Variants in ETAA1 observed in about 807,000 individuals in gnomAD.
ETAA1 encodes the protein ETAA1 activator of ATR kinase.
ETAA1 carries 49 observed loss-of-function variants against 76.8 expected under a neutral mutation model. The ratio of observed to expected loss-of-function variants is 0.64; its 90% CI spans 0.51 to 0.81. ETAA1 has a LOEUF of 0.81. Among genes scored for constraint, ETAA1 ranks in the 30% least tolerant of loss-of-function variants. The pLI, the probability that ETAA1 is intolerant of heterozygous loss-of-function variation, is 0.00. For synonymous variants in ETAA1, 373 were observed against 372.2 expected (o/e 1.00, Z -0.03); for missense variants, 1,099 against 1,074.0 (o/e 1.02, Z -0.32).
At chr2:67,400,221 T>G (rs896507468) in intron 3 of ETAA1, 3 of 152,314 alleles carry the variant, frequency 2.0e-5, no homozygotes, top group African/African-American at 7.2e-5. Context: ...CATTGGATCA[T>G]TATGAGAATT....
rs1187851213 is a variant in ETAA1 at position 67,402,930 on chromosome 2, C to G, written c.498C>G (p.Pro166=). The change falls in exon 4 of 6, where the codon CCC becomes CCG. Residue 166 remains proline (P), a synonymous_variant. Transcript: ENST00000272342. ...WIGETAIPCT[P]SVAKGKSRAK... is the part of the protein sequence containing the mutation. ...GTGAAACTGCTATTCCTTGTACTCC[C>G]AGTGTAGCAAAAGGAAAATCAAGAG... The G allele has an allele frequency of 1.2e-6, 2 of 1,606,672 alleles. No homozygotes were observed. The highest frequency in any genetic ancestry group is 2.7e-5 in the African/African-American group (2 of 74,420).
intron 4 of ETAA1, 40 bp downstream of exon 4, chr2:67,403,014 G>A: frequency 6.6e-7 from 1 of 1,522,578 alleles, no homozygotes; most frequent in Non-Finnish European, 8.9e-7. Context: ...ATTCAGTGAA[G>A]CAAATATTTT....
chr2:67,397,528 G>T lies in ETAA1; in HGVS notation c.80G>T (p.Gly27Val). 6.3e-7 allele frequency: 1 copy of T among 1,590,502 alleles called. No individual in the cohort carries two copies. Among genetic ancestry groups the T allele is most frequent in the Non-Finnish European group, 8.6e-7 (1 of 1,168,652 alleles). The change falls in exon 1 of 6, where the codon GGC (glycine) becomes GTC (valine). Residue 27 changes from glycine (G) to valine (V), a missense_variant. Physicochemically the swap from Gly to Val is moderately radical, Grantham distance 109 (BLOSUM62 -3). Coordinates refer to ENST00000272342, the MANE Select transcript of ETAA1 (RefSeq NM_019002.4). ...AAAACAGTGGCGGCGGAGGAATGCGGCTCGGTGGTCGAGCCAGGGAGGAGG... is the reference window on the plus strand; with the variant it reads ...AAAACAGTGGCGGCGGAGGAATGCGTCTCGGTGGTCGAGCCAGGGAGGAGG... ...PHKTVAAEEC[G>V]SVVEPGRRRL...
At position 67,405,197 on chromosome 2, in the gene ETAA1, T is replaced by C. The variant is rs747917233; in HGVS notation, c.2515T>C (p.Cys839Arg). The C allele has an allele frequency of 1.2e-6, 2 of 1,612,622 alleles. No individual in the cohort carries two copies. The highest frequency in any genetic ancestry group is 1.1e-5 in the South Asian group (1 of 91,012). The change falls in exon 5 of 6, where the codon TGT becomes CGT. Residue 839 changes from cysteine (C) to arginine (R), a missense_variant. Coordinates refer to ENST00000272342, the MANE Select transcript of ETAA1 (RefSeq NM_019002.4). ...SQILSQFNQN[C>R]ITGSMSDTKI... is the part of the protein sequence containing the mutation. ...GATTCTTTCTCAGTTTAATCAAAAT[T>C]GTATAACTGGAAGTATGTCTGATAC... is the stretch of plus-strand genomic sequence containing the variant.
chr2:67,398,389 G>A (rs970273194), intron 1 of ETAA1, among the ~76,000 whole-genome samples: 7 of 147,034 alleles, frequency 4.8e-5, no homozygotes, highest in African/African-American at 1.8e-4. Context: ...AGGCTGCAGT[G>A]CAGTAGCACA....
At chr2:67,405,867 T>C (rs1178419702) in intron 5 of ETAA1, among the ~76,000 whole-genome samples, 1 of 152,098 alleles carries the variant, frequency 6.6e-6, no homozygotes, top group African/African-American at 2.4e-5. Context: ...TCATTTCTGA[T>C]TCTTCCAATT....
chr2:67,406,214 A>T (rs1482636493), intron 5 of ETAA1, among the ~76,000 whole-genome samples: 4 of 152,156 alleles, frequency 2.6e-5, no homozygotes, highest in Non-Finnish European at 5.9e-5. Context: ...AGCTTCAGCT[A>T]TACCAGCTAT....
chr2:67,409,690 A>G (rs1676313402), intron 5 of ETAA1, among the ~76,000 whole-genome samples: 1 of 151,976 alleles, frequency 6.6e-6, no homozygotes, highest in Non-Finnish European at 1.5e-5. Flanking sequence ...TGTGAAAAGA[A>G]TGTATCAAAT....
At chr2:67,399,390 C>A in intron 2 of ETAA1, 93 bp downstream of exon 2, 1 of 1,254,044 alleles carries the variant, frequency 8.0e-7, no homozygotes. Flanking sequence ...CATCGGGAAC[C>A]TCTGAGAATG....
rs1351927002 is a variant in ETAA1 at position 67,397,595 on chromosome 2, A to G, written c.147A>G (p.Arg49=). 1 of 1,553,204 alleles carries G rather than the reference A, an allele frequency of 6.4e-7. No homozygotes were observed. Among genetic ancestry groups the G allele is most frequent in the Non-Finnish European group, 8.7e-7 (1 of 1,149,090 alleles). ...GCGGTTCGTGGCCCTGCGGGGCTAGAGAGGGGCCTCCCGGGCCAGTGCGGC... is the reference window on the plus strand; with the variant it reads ...GCGGTTCGTGGCCCTGCGGGGCTAGGGAGGGGCCTCCCGGGCCAGTGCGGC... ...SARGSWPCGA[R]EGPPGPVRQR... Residue 49 remains arginine (R), a synonymous_variant, in exon 1 of 6, where the codon AGA becomes AGG. Transcript: ENST00000272342.
chr2:67,405,565 C>T (rs1676194119), intron 5 of ETAA1, among the ~76,000 whole-genome samples: 1 of 151,926 alleles, frequency 6.6e-6, no homozygotes, highest in African/African-American at 2.4e-5. Flanking sequence ...TTTCCCAGCA[C>T]TTAATACAAT....
At chr2:67,406,678 A>T (rs998566386) in intron 5 of ETAA1, among the ~76,000 whole-genome samples, 6 of 152,106 alleles carry the variant, frequency 3.9e-5, no homozygotes, top group African/African-American at 1.4e-4. Flanking sequence ...AGTTGGTATG[A>T]TGTAGCATTT....
intron 1 of ETAA1, among the ~76,000 whole-genome samples, chr2:67,398,306 CTTTTT>C (rs57636211): frequency 1.2e-5 from 1 of 85,406 alleles, no homozygotes; most frequent in African/African-American, 4.1e-5. Context: ...TGAAATAGTG[CTTTTT>C]TTTTTTTTTT....
chr2:67,410,691 A>G lies in ETAA1; in HGVS notation c.*653A>G, dbSNP rs1412655184. On this transcript the variant is annotated 3_prime_UTR_variant, in exon 6 of 6. Coordinates refer to ENST00000272342, the MANE Select transcript of ETAA1 (RefSeq NM_019002.4). ...AAGTAGTGGATTGTCTACAAAAGTAATGTGGCATCATTAACATTTAGAACT... is the reference window on the plus strand; with the variant it reads ...AAGTAGTGGATTGTCTACAAAAGTAGTGTGGCATCATTAACATTTAGAACT... The G allele has an allele frequency of 1.3e-5, 2 of 152,084 alleles. No homozygotes were observed. Among genetic ancestry groups the G allele is most frequent in the Non-Finnish European group, 2.9e-5 (2 of 67,978 alleles). The allele number at this position is 152,084 out of a possible 1,614,324, so 9.4% of individuals were successfully genotyped here. A position where few individuals can be genotyped will look rare whatever the true frequency, so the allele number is the denominator to read the frequency against.
At position 67,411,069 on chromosome 2, in the gene ETAA1, A is replaced by G. The variant is rs544506820; in HGVS notation, c.*1031A>G. 2 of 151,922 alleles carry G rather than the reference A, an allele frequency of 1.3e-5. No individual in the cohort carries two copies. The highest frequency in any genetic ancestry group is 2.4e-5 in the African/African-American group (1 of 41,374). 9.4% of individuals were successfully genotyped at this position (151,922 alleles called of 1,614,324 possible). A position where few individuals can be genotyped will look rare whatever the true frequency, so the allele number is the denominator to read the frequency against. Reference sequence around the variant, plus strand: ...GTAACTGTAATTTTCCCCTCAATTAATTTACTTAGTTGACTCATCTTTTCT... The same window carrying G: ...GTAACTGTAATTTTCCCCTCAATTAGTTTACTTAGTTGACTCATCTTTTCT... On this transcript the variant is annotated 3_prime_UTR_variant, in exon 6 of 6. Coordinates refer to ENST00000272342, the MANE Select transcript of ETAA1 (RefSeq NM_019002.4).
At chr2:67,402,760 A>T in intron 3 of ETAA1, 102 bp from the exon 4 acceptor site, 1 of 690,844 alleles carries the variant, frequency 1.4e-6, no homozygotes, top group South Asian at 3.6e-5. Flanking sequence ...ATTAATTCAA[A>T]ATCATTAGTT....
intron 3 of ETAA1, chr2:67,401,041 G>T (rs949489802): frequency 2.6e-5 from 4 of 152,074 alleles, no homozygotes; most frequent in South Asian, 2.1e-4. Context: ...AAATGTGTTT[G>T]GGTGGGCCAG....
Position 67,407,953 on chromosome 2 carries a change from T to G in ETAA1, c.2654-1958T>G, listed in dbSNP as rs546914360. 3.3e-5 allele frequency among the ~76,000 whole-genome samples: 5 copies of G among 152,254 alleles called. No individual in the cohort carries two copies. In the South Asian group the frequency reaches 1.0e-3, roughly 32 times the overall value. ...ATGTTGTTCAAGGGTCAACTATAGT[T>G]ATAATTCTATAAAAGACTAAACCTC... On this transcript the variant is annotated intron_variant, in intron 5 of 5. Coordinates refer to ENST00000272342, the MANE Select transcript of ETAA1 (RefSeq NM_019002.4).
rs769804057 is a variant in ETAA1, at chr2:67,399,652, G to C, written c.429+26G>C. On this transcript the variant is annotated intron_variant, in intron 3 of 5. Transcript: ENST00000272342. ...GTAAATATCACTAGTTTTACAGTTT[G>C]TTTTAAAACAGTGAAGAATGTGCCA... 21 of 1,484,282 alleles carry C rather than the reference G, an allele frequency of 1.4e-5. No individual in the cohort carries two copies. In the South Asian group the frequency reaches 2.3e-4, roughly 16 times the overall value. 91.9% of individuals were successfully genotyped at this position (1,484,282 alleles called of 1,614,324 possible). A position where few individuals can be genotyped will look rare whatever the true frequency, so the allele number is the denominator to read the frequency against.
Sources: allele counts gnomAD v4.1 joint callset (sites outside exome capture counted in the v4.1 genomes callset), GRCh38; gene constraint gnomAD v4.1.1; transcripts MANE v1.5; gene names NCBI Gene and HGNC (gene_info 2026-07-23, HGNC 2026-07-21).